The following RRP12 variants were observed in gnomAD, a reference collection of about 807,000 sequenced individuals.
The protein encoded by RRP12 is RRP12-like protein.
In RRP12, 78 loss-of-function variants were observed where a neutral mutation model predicts 157.3. The ratio of observed to expected loss-of-function variants is 0.50; its 90% CI spans 0.41 to 0.60. RRP12 has a LOEUF of 0.60. Ranked by LOEUF, RRP12 falls within the 20% of genes least tolerant of loss-of-function variation. The pLI is 0.00. For missense variants in RRP12, 1,521 were observed against 1,679.9 expected, an observed-to-expected ratio of 0.91 and a Z score of 1.65; for synonymous variants, 726 against 670.9, an observed-to-expected ratio of 1.08 and a Z score of -1.27.
At chr10:97,393,476 G>T in intron 4 of RRP12, 1 of 690,512 alleles carries the variant, frequency 1.4e-6, no homozygotes, top group South Asian at 1.5e-5. Flanking sequence ...ATTACCAGGG[G>T]TTCAGGACAG....
At chr10:97,369,281 C>G (rs1844072209) in intron 25 of RRP12, 144 bp downstream of exon 25, 1 of 811,878 alleles carries the variant, frequency 1.2e-6, no homozygotes, top group African/African-American at 1.7e-5. Flanking sequence ...ACAGGCATTC[C>G]CCTATGGTCC....
At chr10:97,362,040 G>T (rs1443520019) in intron 30 of RRP12, among the ~76,000 whole-genome samples, 1 of 151,658 alleles carries the variant, frequency 6.6e-6, no homozygotes, top group Admixed American at 6.6e-5. Flanking sequence ...CTGGGAGGGG[G>T]AGGTTGCAGT....
rs1454773221 is a variant in RRP12 at position 97,385,177 on chromosome 10, G to A, written c.1197C>T (p.Ile399=). 4 of 1,613,310 alleles carry A rather than the reference G, an allele frequency of 2.5e-6. No homozygotes were observed. The highest frequency in any genetic ancestry group is 2.5e-6 in the Non-Finnish European group (3 of 1,179,402). ...TCCTTCATCCGTACCTCACCAGGTT[G>A]ATGTGGGCTTTCTCCATGACCTTAA... ...AWLKVMEKAH[I]NLVRLQWDLG... is the part of the protein sequence containing the mutation. The change falls in exon 10 of 34, where the codon ATC becomes ATT. Residue 399 remains isoleucine, a synonymous_variant. Transcript: ENST00000370992.
At chr10:97,392,905 G>C (rs530004047) in intron 4 of RRP12, among the ~76,000 whole-genome samples, 51 of 152,048 alleles carry the variant, frequency 3.4e-4, no homozygotes, top group Middle Eastern at 3.4e-3. Flanking sequence ...TGGCCAGTTT[G>C]GTCTCGAACT....
chr10:97,369,229 G>A (rs1844070707), intron 25 of RRP12, among the ~76,000 whole-genome samples, 196 bp downstream of exon 25: 2 of 152,226 alleles, frequency 1.3e-5, no homozygotes, highest in Admixed American at 6.5e-5. Context: ...CTGGGGTGAA[G>A]AAAGCCACCT....
chr10:97,370,419 G>T, intron 23 of RRP12, 36 bp downstream of exon 23: 1 of 1,491,478 alleles, frequency 6.7e-7, no homozygotes, highest in Non-Finnish European at 9.2e-7. Flanking sequence ...CCCAGTCTAT[G>T]AGCAGAGTGT....
chr10:97,390,250 G>A (rs1844764327), intron 6 of RRP12, among the ~76,000 whole-genome samples, 173 bp downstream of exon 6: 1 of 152,208 alleles, frequency 6.6e-6, no homozygotes, highest in African/African-American at 2.4e-5. Flanking sequence ...TCCTGGAGGA[G>A]GAAGAGCCGC....
At chr10:97,358,871 A>T in intron 32 of RRP12, 72 bp downstream of exon 32, 3 of 1,278,006 alleles carry the variant, frequency 2.3e-6, no homozygotes, top group Non-Finnish European at 3.4e-6. Flanking sequence ...AGTGATGGGC[A>T]CAGCTCCTCC....
At chr10:97,383,968 G>A (rs972262003) in intron 10 of RRP12, among the ~76,000 whole-genome samples, 10 of 152,170 alleles carry the variant, frequency 6.6e-5, no homozygotes, top group African/African-American at 2.4e-4. Flanking sequence ...GTCCTACCCC[G>A]TGCCTCACAA....
intron 2 of RRP12, among the ~76,000 whole-genome samples, chr10:97,397,183 CAG>C (rs903704150): frequency 2.0e-5 from 3 of 151,962 alleles, no homozygotes; most frequent in African/African-American, 7.3e-5. Context: ...GTTTTTGAGA[CAG>C]AGTCTCACTC....
chr10:97,394,094 G>A (rs985654104), intron 3 of RRP12, among the ~76,000 whole-genome samples: 6 of 152,172 alleles, frequency 3.9e-5, no homozygotes, highest in African/African-American at 1.2e-4. Flanking sequence ...TGTAATCCCA[G>A]CACTTTGGGA....
chr10:97,386,525 T>C (rs1844637034), intron 8 of RRP12, among the ~76,000 whole-genome samples: 1 of 152,134 alleles, frequency 6.6e-6, no homozygotes, highest in African/African-American at 2.4e-5. Context: ...AAAGAGAAAA[T>C]GTCTGAAAGG....
chr10:97,398,039 ATTTTTTTTTTTTTT>A (rs1184698036), intron 2 of RRP12, among the ~76,000 whole-genome samples: 1 of 56,028 alleles, frequency 1.8e-5, no homozygotes, highest in Admixed American at 2.2e-4. Flanking sequence ...ATATATACGT[ATTTTTTTTTTTTTT>A]TTTTTTTTTT....
chr10:97,384,742 C>T (rs1326770794), intron 10 of RRP12, among the ~76,000 whole-genome samples: 1 of 151,492 alleles, frequency 6.6e-6, no homozygotes, highest in East Asian at 2.0e-4. Context: ...CTGAGGACCC[C>T]CAACCTCGGC....
At chr10:97,377,068 T>C (rs1844329929) in intron 15 of RRP12, among the ~76,000 whole-genome samples, 1 of 151,782 alleles carries the variant, frequency 6.6e-6, no homozygotes, top group African/African-American at 2.4e-5. Context: ...TTAGTAGAGA[T>C]GGGGTTTCAT....
chr10:97,391,585 TA>T (rs964950568), intron 4 of RRP12, among the ~76,000 whole-genome samples: 1 of 148,536 alleles, frequency 6.7e-6, no homozygotes, highest in African/African-American at 2.5e-5. Context: ...AATAAATAAA[TA>T]AATAAATAAA....
Position 97,390,550 on chromosome 10 carries a change from G to T in RRP12, c.637-11C>A. ...CAGGCAGGAAAGGACCTGGAAGAAA[G>T]TCAGAGTCCCTCAGTGCCACCAGCC... On this transcript the variant is annotated splice_polypyrimidine_tract_variant and intron_variant, in intron 5 of 33. Transcript: ENST00000370992. 6.2e-7 allele frequency: 1 copy of T among 1,602,668 alleles called. No homozygotes were observed. The highest frequency in any genetic ancestry group is 8.5e-7 in the Non-Finnish European group (1 of 1,170,160).
At chr10:97,396,015 C>T (rs781076155) in intron 3 of RRP12, among the ~76,000 whole-genome samples, 1 of 151,834 alleles carries the variant, frequency 6.6e-6, no homozygotes, top group Non-Finnish European at 1.5e-5. Context: ...AAAAAAGAAA[C>T]AAAGAAAGAA....
In RRP12 at chr10:97,366,610, A is replaced by C; in HGVS notation, c.3227T>G (p.Ile1076Ser). 1 of 1,612,812 alleles carries C rather than the reference A, an allele frequency of 6.2e-7. No individual in the cohort carries two copies. Among genetic ancestry groups the C allele is most frequent in the Non-Finnish European group, 8.5e-7 (1 of 1,179,410 alleles). The change falls in exon 28 of 34, where the codon ATT becomes AGT. Residue 1076 changes from isoleucine (I) to serine (S), a missense_variant. Ile to Ser is a moderately radical substitution (Grantham distance 142). Coordinates refer to ENST00000370992, the MANE Select transcript of RRP12 (RefSeq NM_015179.4). ...CTCCTCGTCCTCTGAGTCAGCTAAA[A>C]TCTCCTCAATGCTAAGGACAAAAAG... ...AQGKGDSIEE[I>S]LADSEDEEDN... is the part of the protein sequence containing the mutation.
Sources: allele counts gnomAD v4.1 joint callset (sites outside exome capture counted in the v4.1 genomes callset), GRCh38; gene constraint gnomAD v4.1.1; transcripts MANE v1.5; gene names NCBI Gene and HGNC (gene_info 2026-07-23, HGNC 2026-07-21).